The following ADAMTSL3 variants were observed in gnomAD, a reference collection of about 807,000 sequenced individuals.
ADAMTSL3 encodes the protein ADAMTS-like protein 3.
A neutral mutation model predicts 201.7 loss-of-function variants in ADAMTSL3; 128 were observed. The ratio of observed to expected loss-of-function variants is 0.63; its 90% CI spans 0.55 to 0.73. The LOEUF (loss-of-function observed/expected upper bound fraction) is 0.73, where lower values mean the gene tolerates loss of function less well. Ranked by LOEUF, ADAMTSL3 falls within the 30% of genes least tolerant of loss-of-function variation. The pLI, the probability that ADAMTSL3 is intolerant of heterozygous loss-of-function variation, is 0.00. For missense variants in ADAMTSL3, 1,990 were observed against 2,119.6 expected (o/e 0.94, Z 1.20); for synonymous variants, 738 against 748.4 (o/e 0.99, Z 0.23).
intron 6 of ADAMTSL3, among the ~76,000 whole-genome samples, chr15:83,821,486 C>G (rs1362856370): frequency 2.0e-5 from 3 of 151,660 alleles, no homozygotes; most frequent in African/African-American, 4.9e-5. Context: ...TAACAAAGCA[C>G]GTCTTGCACC....
At chr15:83,659,547 A>G (rs1311260867) in intron 2 of ADAMTSL3, among the ~76,000 whole-genome samples, 1 of 152,180 alleles carries the variant, frequency 6.6e-6, no homozygotes, top group East Asian at 1.9e-4. Context: ...TGTTGCCTTC[A>G]TCATAATATT....
intron 21 of ADAMTSL3, 108 bp downstream of exon 21, chr15:83,983,452 C>A: frequency 1.1e-6 from 1 of 874,072 alleles, no homozygotes; most frequent in Non-Finnish European, 1.7e-6. Flanking sequence ...GTGTTTCCAA[C>A]AGGATTCTTT....
intron 15 of ADAMTSL3, among the ~76,000 whole-genome samples, chr15:83,911,042 C>T (rs1263743551): frequency 6.6e-6 from 1 of 152,008 alleles, no homozygotes; most frequent in Non-Finnish European, 1.5e-5. Flanking sequence ...AACAAAATCC[C>T]AATTTTTAAT....
At chr15:83,994,100 C>G (rs2067632957) in intron 23 of ADAMTSL3, among the ~76,000 whole-genome samples, 1 of 152,166 alleles carries the variant, frequency 6.6e-6, no homozygotes, top group African/African-American at 2.4e-5. Flanking sequence ...TGGTGATTCC[C>G]AAATGAAGGG....
intron 4 of ADAMTSL3, among the ~76,000 whole-genome samples, chr15:83,778,165 G>A (rs1303891577): frequency 6.6e-6 from 1 of 152,090 alleles, no homozygotes; most frequent in African/African-American, 2.4e-5. Flanking sequence ...TGAAAAAGAG[G>A]GGGATAATGG....
chr15:83,827,717 G>A (rs1307560419), intron 6 of ADAMTSL3, among the ~76,000 whole-genome samples: 3 of 152,142 alleles, frequency 2.0e-5, no homozygotes, highest in Non-Finnish European at 4.4e-5. Context: ...TCCAGTTTCA[G>A]CTTTCTACAT....
chr15:83,834,844 T>A (rs1032305942), intron 6 of ADAMTSL3, among the ~76,000 whole-genome samples: 4 of 152,196 alleles, frequency 2.6e-5, no homozygotes, highest in Non-Finnish European at 5.9e-5. Flanking sequence ...TATTGATATA[T>A]CTGTCAATTA....
At chr15:83,871,093 T>C (rs970580915) in intron 9 of ADAMTSL3, 134 bp downstream of exon 9, 8 of 1,020,754 alleles carry the variant, frequency 7.8e-6, no homozygotes, top group Non-Finnish European at 1.1e-5. Context: ...AATATTTCCA[T>C]CTTGGCAGTC....
chr15:83,656,853 C>T (rs145915902), intron 2 of ADAMTSL3, among the ~76,000 whole-genome samples: 99 of 152,234 alleles, frequency 6.5e-4, no homozygotes, highest in African/African-American at 2.2e-3. Context: ...AGATATATAC[C>T]CTGGGATAAA....
At chr15:83,902,150 C>T (rs2065737588) in intron 15 of ADAMTSL3, among the ~76,000 whole-genome samples, 1 of 152,188 alleles carries the variant, frequency 6.6e-6, no homozygotes, top group Non-Finnish European at 1.5e-5. Context: ...TGTACAGGTC[C>T]TGAAATCAGT....
intron 3 of ADAMTSL3, among the ~76,000 whole-genome samples, chr15:83,718,720 T>C (rs75708269): frequency 0.099 from 14,910 of 150,862 alleles, 895 homozygotes; most frequent in Admixed American, 0.19. Context: ...TGGGACAAAA[T>C]TTGAGCATCA....
At chr15:83,945,838 A>G (rs1026850244) in intron 19 of ADAMTSL3, 7 of 152,226 alleles carry the variant, frequency 4.6e-5, no homozygotes, top group African/African-American at 7.2e-5. Flanking sequence ...CTGCATTTCA[A>G]CAAGATCCCT....
intron 3 of ADAMTSL3, among the ~76,000 whole-genome samples, chr15:83,717,713 CA>C (rs922419443): frequency 6.6e-6 from 1 of 151,866 alleles, no homozygotes; most frequent in Non-Finnish European, 1.5e-5. Context: ...ATAATAAAAG[CA>C]AAAAAACCTA....
At chr15:83,701,424 C>T (rs1250943382) in intron 2 of ADAMTSL3, among the ~76,000 whole-genome samples, 2 of 152,166 alleles carry the variant, frequency 1.3e-5, no homozygotes, top group Non-Finnish European at 2.9e-5. Context: ...TTCTGACCCC[C>T]TCAGACTCCA....
chr15:83,688,797 T>C (rs888251786), intron 2 of ADAMTSL3, among the ~76,000 whole-genome samples: 24 of 127,776 alleles, frequency 1.9e-4, no homozygotes, highest in South Asian at 2.9e-4. Context: ...CACACACACA[T>C]GCCTGATTTA....
chr15:83,891,027 A>G (rs531156329), intron 11 of ADAMTSL3: 24 of 294,274 alleles, frequency 8.2e-5, no homozygotes, highest in African/African-American at 3.3e-4. Context: ...ATATTAAGAG[A>G]GTAATGATTA....
intron 19 of ADAMTSL3, among the ~76,000 whole-genome samples, chr15:83,948,884 G>A (rs1429224375): frequency 6.6e-6 from 1 of 151,700 alleles, no homozygotes; most frequent in East Asian, 1.9e-4. Flanking sequence ...ATTTTTGTGG[G>A]TATATAGTAA....
At chr15:83,972,873 A>G (rs973192169) in intron 20 of ADAMTSL3, among the ~76,000 whole-genome samples, 6 of 152,110 alleles carry the variant, frequency 3.9e-5, no homozygotes, top group African/African-American at 1.4e-4. Flanking sequence ...TTCACATAGC[A>G]TCCTCTTCAC....
chr15:83,720,516 C>T (rs967326179), intron 3 of ADAMTSL3, among the ~76,000 whole-genome samples: 13 of 152,188 alleles, frequency 8.5e-5, no homozygotes, highest in African/African-American at 3.1e-4. Context: ...TTTGTAAAAG[C>T]ATCCCCGTGA....
Sources: allele counts gnomAD v4.1 joint callset (sites outside exome capture counted in the v4.1 genomes callset), GRCh38; gene constraint gnomAD v4.1.1; transcripts MANE v1.5; gene names NCBI Gene and HGNC (gene_info 2026-07-23, HGNC 2026-07-21).